ARHGEF38: variants seen among roughly 807,000 people sequenced by gnomAD.
The protein encoded by ARHGEF38 is Rho guanine nucleotide exchange factor 38.
In ARHGEF38, 79 loss-of-function variants were observed where a neutral mutation model predicts 79.9. The ratio of observed to expected loss-of-function variants is 0.99; its 90% CI spans 0.82 to 1.19. The LOEUF is 1.19. Ranked by LOEUF, ARHGEF38 falls within the 50% of genes most tolerant of loss-of-function variation. The pLI is 0.00. For synonymous variants in ARHGEF38, 366 were observed against 328.3 expected (o/e 1.11, Z -1.24); for missense variants, 962 against 907.2 (o/e 1.06, Z -0.78).
chr4:105,560,512 T>A (rs1012664003), intron 1 of ARHGEF38, among the ~76,000 whole-genome samples: 3 of 152,202 alleles, frequency 2.0e-5, no homozygotes, highest in African/African-American at 7.2e-5. Flanking sequence ...ACTTTTTATC[T>A]GGATAGGTGA....
At chr4:105,589,610 G>C (rs1560705690) in intron 2 of ARHGEF38, among the ~76,000 whole-genome samples, 175 bp downstream of exon 2, 2 of 152,132 alleles carry the variant, frequency 1.3e-5, no homozygotes, top group Non-Finnish European at 2.9e-5. Context: ...TGCCCTTGTG[G>C]AGTTCACTTT....
intron 3 of ARHGEF38, among the ~76,000 whole-genome samples, chr4:105,619,386 C>A (rs567358792): frequency 6.6e-6 from 1 of 151,928 alleles, no homozygotes; most frequent in Non-Finnish European, 1.5e-5. Context: ...CACCAACTGA[C>A]GGGAAACATA....
At chr4:105,648,453 T>C (rs969436801) in intron 6 of ARHGEF38, 96 bp from the exon 7 acceptor site, 22 of 1,136,414 alleles carry the variant, frequency 1.9e-5, no homozygotes, top group Admixed American at 6.1e-5. Flanking sequence ...TACATATTTA[T>C]CTTGAATATA....
chr4:105,606,651 T>G lies in ARHGEF38; in HGVS notation c.385-6733T>G, dbSNP rs189847283. 4.2e-3 allele frequency among the ~76,000 whole-genome samples: 643 copies of G among 152,202 alleles called. 8 individuals are homozygous for G. Among genetic ancestry groups the G allele is most frequent in the African/African-American group, 0.014 (601 of 41,536 alleles). ...CGTGATCTATCTAGATTTCAAAAAT[T>G]TATGAATGGTTAAGTACATTACAGT... On this transcript the variant is annotated intron_variant, in intron 2 of 13. Coordinates refer to ENST00000420470, the MANE Select transcript of ARHGEF38 (RefSeq NM_001242729.2).
chr4:105,627,359 G>C (rs923461213), intron 3 of ARHGEF38, among the ~76,000 whole-genome samples: 2 of 152,150 alleles, frequency 1.3e-5, no homozygotes, highest in Non-Finnish European at 2.9e-5. Context: ...AGGCCACCTG[G>C]TTTGGTGTGG....
intron 13 of ARHGEF38, among the ~76,000 whole-genome samples, chr4:105,668,213 A>T (rs1255953761): frequency 6.6e-6 from 1 of 151,170 alleles, no homozygotes; most frequent in Non-Finnish European, 1.5e-5. Flanking sequence ...ATGGAGTCTC[A>T]CTCTGTCGCC....
intron 2 of ARHGEF38, among the ~76,000 whole-genome samples, chr4:105,612,794 C>T (rs1560721199): frequency 6.6e-6 from 1 of 152,070 alleles, no homozygotes; most frequent in African/African-American, 2.4e-5. Flanking sequence ...TTATTATAAA[C>T]ACTTGCTATA....
Position 105,655,662 on chromosome 4 carries a change from A to G in ARHGEF38, c.1173A>G (p.Lys391=), listed in dbSNP as rs1001684551. ...ACCTTCAGGAGATTTCATACAACAA[A>G]GACGATGAGATGGACTATTCTGAGA... The part of the protein sequence containing the change: ...VMDLQEISYN[K]DDEMDYSETL... The change falls in exon 9 of 14, where the codon AAA becomes AAG. Residue 391 remains lysine (K), a synonymous_variant. Transcript: ENST00000420470. 84 of 1,535,828 alleles carry G rather than the reference A, an allele frequency of 5.5e-5. 1 individual carries two copies. Among genetic ancestry groups the G allele is most frequent in the Non-Finnish European group, 6.7e-5 (77 of 1,146,730 alleles).
Position 105,561,438 on chromosome 4 carries a change from TA to T in ARHGEF38, c.196+8478del, listed in dbSNP as rs1560684415. Reference sequence around the variant, plus strand: ...TAGAATAGAATGGAATAGAATAGAATAGAATAGAATGGAATAGAATAGAATA... The same window carrying T: ...TAGAATAGAATGGAATAGAATAGAATGAATAGAATGGAATAGAATAGAATA... On this transcript the variant is annotated intron_variant, in intron 1 of 13. Transcript: ENST00000420470. Among the ~76,000 whole-genome samples, 20 of 68,206 alleles carry T rather than the reference TA, an allele frequency of 2.9e-4. 2 individuals are homozygous for T. The highest frequency in any genetic ancestry group is 8.1e-4 in the African/African-American group (11 of 13,584). 44.7% of individuals were successfully genotyped at this position (68,206 alleles called of 152,430 possible).
intron 4 of ARHGEF38, chr4:105,631,338 A>G (rs999739117): frequency 3.9e-6 from 4 of 1,038,424 alleles, no homozygotes; most frequent in South Asian, 4.0e-5. Flanking sequence ...TCTTAAAGCT[A>G]TTGTAACTTG....
chr4:105,651,879 C>G (rs1730120595), intron 7 of ARHGEF38, among the ~76,000 whole-genome samples: 1 of 152,160 alleles, frequency 6.6e-6, no homozygotes, highest in African/African-American at 2.4e-5. Flanking sequence ...TTCATAAGAT[C>G]CTTCAGGAAC....
intron 4 of ARHGEF38, among the ~76,000 whole-genome samples, chr4:105,635,258 A>G (rs1729352018): frequency 6.6e-6 from 1 of 152,152 alleles, no homozygotes; most frequent in African/African-American, 2.4e-5. Flanking sequence ...TCAGCCTAAA[A>G]GAGATTTTTT....
chr4:105,594,257 C>T (rs1455966891), intron 2 of ARHGEF38, among the ~76,000 whole-genome samples: 3 of 152,184 alleles, frequency 2.0e-5, no homozygotes, highest in Non-Finnish European at 4.4e-5. Flanking sequence ...TTAGTTGACA[C>T]CACCAGTTCA....
At chr4:105,558,887 A>C (rs1400421439) in intron 1 of ARHGEF38, among the ~76,000 whole-genome samples, 1 of 151,886 alleles carries the variant, frequency 6.6e-6, no homozygotes, top group East Asian at 1.9e-4. Context: ...GAATGAAAGA[A>C]AGGAAGGAGA....
intron 13 of ARHGEF38, among the ~76,000 whole-genome samples, chr4:105,676,491 A>T (rs189503664): frequency 0.012 from 1,835 of 152,318 alleles, 18 homozygotes; most frequent in Non-Finnish European, 0.016. Context: ...TACTTGAAAA[A>T]TTTTCATTAA....
chr4:105,594,318 C>A (rs546373594), intron 2 of ARHGEF38, among the ~76,000 whole-genome samples: 1 of 152,204 alleles, frequency 6.6e-6, no homozygotes, highest in Non-Finnish European at 1.5e-5. Flanking sequence ...GTTCTCACTT[C>A]CCTTCTGGAC....
intron 1 of ARHGEF38, among the ~76,000 whole-genome samples, chr4:105,561,419 A>AGAATGGAATG (rs1401158972): frequency 8.7e-5 from 4 of 46,038 alleles, no homozygotes; most frequent in Non-Finnish European, 1.3e-4. Context: ...AGAATAGAAT[A>AGAATGGAATG]GAATGGAATA....
At chr4:105,665,714 G>A (rs1730725144) in intron 10 of ARHGEF38, among the ~76,000 whole-genome samples, 1 of 152,178 alleles carries the variant, frequency 6.6e-6, no homozygotes, top group Admixed American at 6.5e-5. Flanking sequence ...GTGATTACAG[G>A]CATGAGCCAC....
chr4:105,663,780 G>A (rs1345817098), intron 10 of ARHGEF38, among the ~76,000 whole-genome samples: 2 of 152,124 alleles, frequency 1.3e-5, no homozygotes, highest in African/African-American at 4.8e-5. Flanking sequence ...GACCAGCCTA[G>A]CCAACATGGC....
Sources: allele counts gnomAD v4.1 joint callset (sites outside exome capture counted in the v4.1 genomes callset), GRCh38; gene constraint gnomAD v4.1.1; transcripts MANE v1.5; gene names NCBI Gene and HGNC (gene_info 2026-07-23, HGNC 2026-07-21).